Variants in DPYD observed in about 807,000 individuals in gnomAD.
DPYD encodes dihydropyrimidine dehydrogenase [NADP(+)].
In DPYD, 109 loss-of-function variants were observed where a neutral mutation model predicts 116.2. That is an observed-to-expected ratio of 0.94 (90% CI 0.80 to 1.10). The LOEUF (loss-of-function observed/expected upper bound fraction) is 1.10. DPYD is among the 50% of genes least tolerant of loss of function. DPYD has a pLI of 0.00. For missense variants in DPYD, 1,302 were observed against 1,254.5 expected, an observed-to-expected ratio of 1.04 and a Z score of -0.57; for synonymous variants, 440 against 432.0, an observed-to-expected ratio of 1.02 and a Z score of -0.23.
At chr1:97,262,550 T>C (rs2100855302) in intron 18 of DPYD, among the ~76,000 whole-genome samples, 1 of 152,258 alleles carries the variant, frequency 6.6e-6, no homozygotes, top group South Asian at 2.1e-4. Context: ...TTTAAAATTC[T>C]AAAGTTTTGA....
At chr1:97,841,704 G>T (rs1387977793) in intron 2 of DPYD, among the ~76,000 whole-genome samples, 2 of 151,708 alleles carry the variant, frequency 1.3e-5, no homozygotes, top group African/African-American at 2.4e-5. Context: ...AAAGGGAGTA[G>T]CAGGGGAAAA....
chr1:97,126,131 G>A (rs562481316), intron 20 of DPYD, among the ~76,000 whole-genome samples: 116 of 152,150 alleles, frequency 7.6e-4, no homozygotes, highest in African/African-American at 2.7e-3. Flanking sequence ...AGTGAGATTT[G>A]CTGTGCGTGT....
chr1:97,471,129 G>A lies in DPYD; in HGVS notation c.1741-20906C>T, dbSNP rs115507416. Among the ~76,000 whole-genome samples the A allele has an allele frequency of 7.4e-3, 1,132 of 152,270 alleles. 8 individuals carry two copies. Among genetic ancestry groups the A allele is most frequent in the African/African-American group, 0.024 (980 of 41,546 alleles). ...TAGGCCATACATCTTTTCTGAAAAC[G>A]TAATGTAAGAACAGAGCCTTATATG... On this transcript the variant is annotated intron_variant, in intron 13 of 22. Transcript: ENST00000370192.
intron 16 of DPYD, among the ~76,000 whole-genome samples, chr1:97,341,497 A>C (rs1451428550): frequency 2.0e-5 from 3 of 152,164 alleles, no homozygotes; most frequent in Admixed American, 2.0e-4. Context: ...TGGAATTTTC[A>C]TCTCTCTAAG....
intron 2 of DPYD, among the ~76,000 whole-genome samples, chr1:97,867,917 A>T (rs1001236380): frequency 4.0e-5 from 6 of 151,842 alleles, no homozygotes; most frequent in African/African-American, 1.4e-4. Flanking sequence ...CAAAACGTAA[A>T]GGAAAAGGTT....
intron 13 of DPYD, 22 bp from the exon 14 acceptor site, chr1:97,450,245 T>G: frequency 1.2e-6 from 2 of 1,612,762 alleles, no homozygotes; most frequent in Non-Finnish European, 1.7e-6. Context: ...GTAAAGATAT[T>G]GAGTCTCCTT....
chr1:97,436,161 G>C (rs886563823), intron 14 of DPYD, among the ~76,000 whole-genome samples: 9 of 151,858 alleles, frequency 5.9e-5, no homozygotes, highest in African/African-American at 1.9e-4. Flanking sequence ...CCCTTTAAGA[G>C]AAGATTGCAT....
intron 3 of DPYD, among the ~76,000 whole-genome samples, chr1:97,750,374 C>T (rs989714141): frequency 3.3e-5 from 5 of 151,704 alleles, no homozygotes; most frequent in South Asian, 2.1e-4. Flanking sequence ...CCTAGATGTA[C>T]GGAATATGTT....
intron 4 of DPYD, among the ~76,000 whole-genome samples, chr1:97,737,936 C>A (rs368539092): frequency 1.3e-5 from 2 of 152,072 alleles, no homozygotes; most frequent in South Asian, 4.1e-4. Context: ...TCTTTTACAT[C>A]GTGTAATTTA....
At chr1:97,331,370 T>C (rs1668989584) in intron 16 of DPYD, among the ~76,000 whole-genome samples, 1 of 152,006 alleles carries the variant, frequency 6.6e-6, no homozygotes, top group Non-Finnish European at 1.5e-5. Flanking sequence ...CCTAGCTACT[T>C]GGGAGGATGC....
intron 20 of DPYD, among the ~76,000 whole-genome samples, chr1:97,176,346 GC>G (rs930438255): frequency 2.6e-5 from 4 of 152,276 alleles, no homozygotes; most frequent in African/African-American, 9.6e-5. Context: ...TTGCTCTATT[GC>G]CCCTATGGAG....
At chr1:97,355,179 T>C (rs974611709) in intron 16 of DPYD, among the ~76,000 whole-genome samples, 5 of 152,126 alleles carry the variant, frequency 3.3e-5, no homozygotes, top group African/African-American at 1.2e-4. Flanking sequence ...TATTTCACTT[T>C]ATGTATTCTA....
intron 18 of DPYD, among the ~76,000 whole-genome samples, chr1:97,282,176 A>G (rs970739433): frequency 1.3e-5 from 2 of 150,962 alleles, no homozygotes; most frequent in African/African-American, 2.5e-5. Flanking sequence ...TGTTGAGGAT[A>G]CAGCTATTTT....
chr1:97,635,272 G>A (rs1263470614), intron 8 of DPYD, among the ~76,000 whole-genome samples: 2 of 152,082 alleles, frequency 1.3e-5, no homozygotes, highest in African/African-American at 4.8e-5. Context: ...CCATTTAATT[G>A]TGGGAATTCC....
chr1:97,358,782 T>A (rs1315619871), intron 16 of DPYD, among the ~76,000 whole-genome samples: 1 of 152,006 alleles, frequency 6.6e-6, no homozygotes, highest in African/African-American at 2.4e-5. Flanking sequence ...AAAAAGGACA[T>A]CTACACCAAA....
chr1:97,167,544 G>A (rs542142102), intron 20 of DPYD, among the ~76,000 whole-genome samples: 26 of 152,264 alleles, frequency 1.7e-4, no homozygotes, highest in South Asian at 8.3e-4. Context: ...ATGCACTAAC[G>A]TGGATGAATT....
chr1:97,082,225 G>T, intron 22 of DPYD, 105 bp downstream of exon 22: 2 of 1,366,160 alleles, frequency 1.5e-6, no homozygotes, highest in South Asian at 1.2e-5. Flanking sequence ...AGCAATATTT[G>T]GCACCACTGG....
intron 13 of DPYD, among the ~76,000 whole-genome samples, chr1:97,512,478 T>C (rs958930497): frequency 3.9e-5 from 6 of 151,920 alleles, no homozygotes; most frequent in Non-Finnish European, 7.4e-5. Context: ...TCTTAGTTTA[T>C]TTATCTGTGC....
At chr1:97,098,290 A>G (rs537157979) in intron 21 of DPYD, among the ~76,000 whole-genome samples, 199 bp downstream of exon 21, 151 of 152,298 alleles carry the variant, frequency 9.9e-4, no homozygotes, top group African/African-American at 3.5e-3. Context: ...AGTGTTCTAA[A>G]AAGTATAAAA....
Sources: allele counts gnomAD v4.1 joint callset (sites outside exome capture counted in the v4.1 genomes callset), GRCh38; gene constraint gnomAD v4.1.1; transcripts MANE v1.5; gene names NCBI Gene and HGNC (gene_info 2026-07-23, HGNC 2026-07-21).